STK3: variants seen among roughly 807,000 people sequenced by gnomAD.
STK3 encodes the protein serine/threonine kinase 3, also known as serine/threonine-protein kinase 3.
In STK3, 41 loss-of-function variants were observed where a neutral mutation model predicts 58.0. The ratio of observed to expected loss-of-function variants is 0.71; its 90% confidence interval spans 0.55 to 0.92. The LOEUF is 0.92. STK3 is among the 40% of genes least tolerant of loss of function. The pLI is 0.00. For synonymous variants in STK3, 170 were observed against 191.0 expected (o/e 0.89, Z 0.91); for missense variants, 479 against 602.7 (o/e 0.79, Z 2.15).
rs1401445294 is a variant in STK3 at position 98,769,699 on chromosome 8, C to T, written c.108-2328G>A. On this transcript the variant is annotated intron_variant, in intron 2 of 10. Coordinates refer to ENST00000419617, the MANE Select transcript of STK3 (RefSeq NM_006281.4). ...TTATTTAAATTATCACCCTTAGTTG[C>T]CTGGAGTCTAAGCAAAGCTTTAAAA... 2.0e-5 allele frequency among the ~76,000 whole-genome samples: 3 copies of T among 152,292 alleles called. No homozygotes were observed. In the East Asian group the frequency reaches 5.8e-4, roughly 29 times the overall value.
intron 3 of STK3, chr8:98,413,626 C>T (rs992694670): frequency 2.7e-6 from 2 of 729,112 alleles, no homozygotes; most frequent in Admixed American, 1.8e-5. Context: ...AGACAAAGGT[C>T]TGCCAGTTTC....
At chr8:98,942,429 A>G (rs72668464) in exon 1 of STK3, 4,585 of 152,370 alleles carry the variant, frequency 0.03, 102 homozygotes, top group South Asian at 0.067. Flanking sequence ...CCCAGACTCC[A>G]TTTTGGAACT....
At chr8:98,587,931 T>G (rs1345482025) in intron 7 of STK3, among the ~76,000 whole-genome samples, 1 of 152,198 alleles carries the variant, frequency 6.6e-6, no homozygotes, top group Non-Finnish European at 1.5e-5. Flanking sequence ...CCCTGCCTTT[T>G]TTTGTTTTCC....
rs568178453 is a variant in STK3 at position 98,865,378 on chromosome 8, CT to C, written c.110+18268del. On this transcript the variant is annotated intron_variant, in intron 3 of 12. Coordinates refer to the STK3 transcript ENST00000523601. ...ATAGTTTATGCCATATAGTTTACTA[CT>C]TTTTTTTTTAAAGATAGGGTCTCAC... Among the ~76,000 whole-genome samples the C allele has an allele frequency of 7.4e-5, 11 of 149,326 alleles. No individual in the cohort carries two copies. In the South Asian group the frequency reaches 8.5e-4, roughly 11 times the overall value.
chr8:98,429,059 C>T, intron 3 of STK3: 1 of 1,613,198 alleles, frequency 6.2e-7, no homozygotes, highest in Non-Finnish European at 8.5e-7. Flanking sequence ...GCCTGGCCAC[C>T]ATCCCTGCCT....
At chr8:98,665,230 G>A (rs928920841) in intron 6 of STK3, among the ~76,000 whole-genome samples, 3 of 152,130 alleles carry the variant, frequency 2.0e-5, no homozygotes, top group Admixed American at 1.3e-4. Context: ...CACAGAGATC[G>A]TATTAGAGAG....
chr8:98,825,788 G>C (rs1411972787), upstream of STK3: 1 of 66,314 alleles, frequency 1.5e-5, no homozygotes, highest in Non-Finnish European at 3.0e-5. Context: ...GCCCCGCCCC[G>C]CCCCCGGCCG....
chr8:98,792,738 G>T (rs1832884012), intron 1 of STK3, among the ~76,000 whole-genome samples: 1 of 152,068 alleles, frequency 6.6e-6, no homozygotes. Context: ...ACTACCATTT[G>T]CTCCAGCAAT....
chr8:98,851,128 A>G (rs1298850547), intron 3 of STK3, among the ~76,000 whole-genome samples: 1 of 152,146 alleles, frequency 6.6e-6, no homozygotes, highest in Non-Finnish European at 1.5e-5. Flanking sequence ...GTCACATCTC[A>G]AAGAGGCCTT....
chr8:98,479,147 G>C (rs930068652), intron 10 of STK3, among the ~76,000 whole-genome samples: 7 of 151,392 alleles, frequency 4.6e-5, no homozygotes, highest in African/African-American at 7.3e-5. Flanking sequence ...CTTTCTGCGT[G>C]ATAGTGCAGG....
intron 3 of STK3, among the ~76,000 whole-genome samples, chr8:98,871,058 A>T (rs1165536302): frequency 3.3e-5 from 5 of 152,324 alleles, no homozygotes; most frequent in Admixed American, 1.3e-4. Context: ...AGCTTTCTAC[A>T]TATGGCTAGC....
intron 3 of STK3, among the ~76,000 whole-genome samples, chr8:98,843,615 C>T (rs921816432): frequency 1.3e-5 from 2 of 152,330 alleles, no homozygotes; most frequent in South Asian, 2.1e-4. Context: ...GCTTCCACAA[C>T]CTCTTCTTGT....
intron 6 of STK3, among the ~76,000 whole-genome samples, chr8:98,655,662 A>G (rs1821429654): frequency 6.6e-6 from 1 of 151,760 alleles, no homozygotes; most frequent in Non-Finnish European, 1.5e-5. Flanking sequence ...AACCCCATCA[A>G]AAAGTGGGCG....
chr8:98,876,578 C>T (rs1170485103), intron 3 of STK3, among the ~76,000 whole-genome samples: 1 of 152,104 alleles, frequency 6.6e-6, no homozygotes, highest in Non-Finnish European at 1.5e-5. Flanking sequence ...TGGGAAGGAC[C>T]ACAGGAACAC....
At chr8:98,751,780 C>T (rs1587514591) in intron 3 of STK3, among the ~76,000 whole-genome samples, 1 of 151,836 alleles carries the variant, frequency 6.6e-6, no homozygotes, top group Non-Finnish European at 1.5e-5. Context: ...ATCTCTACTA[C>T]AAATACAAAA....
downstream of STK3, chr8:98,880,083 T>C (rs984718867): frequency 3.3e-5 from 5 of 151,974 alleles, no homozygotes; most frequent in African/African-American, 1.2e-4. Context: ...TGTGGCAAAA[T>C]GCCGTCTCTA....
intron 1 of STK3, among the ~76,000 whole-genome samples, chr8:98,815,085 G>GA (rs1158397693): frequency 6.6e-6 from 1 of 152,156 alleles, no homozygotes; most frequent in African/African-American, 2.4e-5. Context: ...TTAGTGGTGA[G>GA]AAAAAAGTAA....
chr8:98,830,468 T>C (rs1016260595), upstream of STK3, among the ~76,000 whole-genome samples: 4 of 152,170 alleles, frequency 2.6e-5, no homozygotes, highest in Admixed American at 2.6e-4. Context: ...GAATTGTTTT[T>C]CTCCTGAATT....
intron 6 of STK3, among the ~76,000 whole-genome samples, chr8:98,618,397 C>T (rs1435214182): frequency 1.3e-5 from 2 of 152,040 alleles, no homozygotes; most frequent in African/African-American, 4.8e-5. Context: ...CCTTTGAAAA[C>T]TGGCACAAGA....
Sources: gnomAD v4.1 joint callset for allele counts (sites outside exome capture counted in the v4.1 genomes callset) on GRCh38, gnomAD v4.1.1 for gene constraint, MANE v1.5 for transcripts, NCBI Gene and HGNC (gene_info 2026-07-23, HGNC 2026-07-21) for gene names.